Variants in NOTCH4 observed in about 807,000 individuals in gnomAD.
NOTCH4 encodes the protein neurogenic locus notch homolog protein 4.
In NOTCH4, 138 loss-of-function variants were observed where a neutral mutation model predicts 189.0. That is an observed-to-expected ratio of 0.73 (90% CI 0.64 to 0.84). The LOEUF (loss-of-function observed/expected upper bound fraction) is 0.84. Ranked by LOEUF, NOTCH4 falls within the 40% of genes least tolerant of loss-of-function variation. The pLI, the probability that NOTCH4 is intolerant of heterozygous loss-of-function variation, is 0.00. For synonymous variants in NOTCH4, 942 were observed against 1,032.8 expected, an observed-to-expected ratio of 0.91 and a Z score of 1.69; for missense variants, 2,286 against 2,605.4, an observed-to-expected ratio of 0.88 and a Z score of 2.67.
At chr6:32,206,433 A>G (rs1788682173) in intron 18 of NOTCH4, among the ~76,000 whole-genome samples, 1 of 152,140 alleles carries the variant, frequency 6.6e-6, no homozygotes, top group Non-Finnish European at 1.5e-5. Flanking sequence ...AGAAATCAAG[A>G]AAGCAATCCC....
Position 32,198,875 on chromosome 6 carries a change from C to T in NOTCH4, c.4535+51G>A, listed in dbSNP as rs58640723. On this transcript the variant is annotated intron_variant, in intron 24 of 29. Coordinates refer to ENST00000375023, the MANE Select transcript of NOTCH4 (RefSeq NM_004557.4). The surrounding 1 kb of genome is among the most constrained non-coding windows in gnomAD (Gnocchi z 5.5). ...TCTTATCTTTTCTGATTGTAAATAT[C>T]GCCATAGGAGAGACTCCCCTTCCTG... 348 of 1,479,082 alleles carry T rather than the reference C, an allele frequency of 2.4e-4. No individual in the cohort carries two copies. The highest frequency in any genetic ancestry group is 1.8e-3 in the Middle Eastern group (10 of 5,558). 91.6% of individuals were successfully genotyped at this position (1,479,082 alleles called of 1,614,324 possible). A position where few individuals can be genotyped will look rare whatever the true frequency, so the allele number is the denominator to read the frequency against.
chr6:32,219,776 G>A lies in NOTCH4; in HGVS notation c.1326C>T (p.Gly442=). ...AACCGCCATGTTCACAGGGACTTGG[G>A]CCTTGCTGGGCTGGGAGGAGAGAAG... ...DLDECLMAQQ[G]PSPCEHGGSC... Residue 442 remains glycine (G), a synonymous_variant, in exon 8 of 30, where the codon GGC becomes GGT. Coordinates refer to ENST00000375023, the MANE Select transcript of NOTCH4 (RefSeq NM_004557.4). 6.2e-7 allele frequency: 1 copy of A among 1,612,296 alleles called. No homozygotes were observed. Among genetic ancestry groups the A allele is most frequent in the Non-Finnish European group, 8.5e-7 (1 of 1,179,610 alleles).
rs757052827 is a variant in NOTCH4, at chr6:32,212,197, T to C, written c.2680+277A>G. Among the ~76,000 whole-genome samples, 2 of 152,180 alleles carry C rather than the reference T, an allele frequency of 1.3e-5. No individual in the cohort carries two copies. The highest frequency in any genetic ancestry group is 2.9e-5 in the Non-Finnish European group (2 of 68,036). ...AGGACAGAGTTGAGTTGCTCCACGT[T>C]GAGTCATGTCCCTCATGGTTGGGTT... On this transcript the variant is annotated intron_variant, in intron 17 of 29. Coordinates refer to ENST00000375023, the MANE Select transcript of NOTCH4 (RefSeq NM_004557.4). The surrounding 1 kb of genome is among the most constrained non-coding windows in gnomAD (Gnocchi z 4.4).
chr6:32,196,195 C>T lies in NOTCH4; in HGVS notation c.5299-45G>A, dbSNP rs1322434023. ...CCGATATCAGGGAAGGCCACGCCCA[C>T]AGGACTGGGCCTTTCTGCCTTCACT... On this transcript the variant is annotated intron_variant, in intron 29 of 29. Coordinates refer to ENST00000375023, the MANE Select transcript of NOTCH4 (RefSeq NM_004557.4). The T allele has an allele frequency of 3.1e-6, 5 of 1,596,860 alleles. No homozygotes were observed. The South Asian group carries it at 5.5e-5, about 18-fold the overall frequency.
intron 11 of NOTCH4, 68 bp downstream of exon 11, chr6:32,216,877 T>G: frequency 1.9e-6 from 3 of 1,571,188 alleles, no homozygotes; most frequent in Non-Finnish European, 2.6e-6. Context: ...CACCCACCAA[T>G]GAACTCTGCC....
intron 15 of NOTCH4, 100 bp from the exon 16 acceptor site, chr6:32,213,011 G>T: frequency 7.6e-7 from 1 of 1,307,722 alleles, no homozygotes; most frequent in Non-Finnish European, 1.1e-6. Flanking sequence ...GAGGTGGCAA[G>T]CCAGGAGGGA....
Position 32,197,371 on chromosome 6 carries a change from G to T in NOTCH4, c.4980C>A (p.Pro1660=), listed in dbSNP as rs2127461012. Residue 1660 remains proline, a synonymous_variant, in exon 27 of 30, where the codon CCC becomes CCA. Transcript: ENST00000375023. ...ARRLLEAGAN[P]NQPDRAGRTP... ...TGCGCCCTGCCCGGTCTGGCTGGTT[G>T]GGGTTGGCTCCAGCCTCAAGGAGGC... 1 of 1,536,446 alleles carries T rather than the reference G, an allele frequency of 6.5e-7. No homozygotes were observed. Among genetic ancestry groups the T allele is most frequent in the South Asian group, 1.3e-5 (1 of 78,722 alleles).
At chr6:32,218,506 G>A (rs1440483887) in intron 8 of NOTCH4, among the ~76,000 whole-genome samples, 1 of 152,178 alleles carries the variant, frequency 6.6e-6, no homozygotes, top group Non-Finnish European at 1.5e-5. Flanking sequence ...ATGCTAGGGA[G>A]AACAGAGATC....
chr6:32,217,253 G>A lies in NOTCH4; in HGVS notation c.1638C>T (p.Thr546=), dbSNP rs750335826. 6.2e-7 allele frequency: 1 copy of A among 1,612,474 alleles called. No individual in the cohort carries two copies. The highest frequency in any genetic ancestry group is 8.5e-7 in the Non-Finnish European group (1 of 1,179,584). ...QCICLPGFSG[T]RCEEDIDECR... ...ACTCATCGATATCCTCCTCACATCGGGTGCCGGAGAATCCTGGTGGGGCGG... is the reference window on the plus strand; with the variant it reads ...ACTCATCGATATCCTCCTCACATCGAGTGCCGGAGAATCCTGGTGGGGCGG... The change falls in exon 10 of 30, where the codon ACC becomes ACT. Residue 546 remains threonine, a synonymous_variant. Coordinates refer to ENST00000375023, the MANE Select transcript of NOTCH4 (RefSeq NM_004557.4). The surrounding 1 kb of genome is among the most constrained non-coding windows in gnomAD (Gnocchi z 4.2).
chr6:32,195,953 C>A lies in NOTCH4; in HGVS notation c.5496G>T (p.Thr1832=). 6.3e-7 allele frequency: 1 copy of A among 1,593,974 alleles called. No homozygotes were observed. The highest frequency in any genetic ancestry group is 8.5e-7 in the Non-Finnish European group (1 of 1,177,124). ...AGPPEARHKA[T]PGREAGPFPR... is the part of the protein sequence containing the mutation. ...GGAAGGGCCCAGCCTCGCGGCCCGG[C>A]GTGGCTTTGTGACGGGCCTCTGGTG... is the stretch of plus-strand genomic sequence containing the variant. The change falls in exon 30 of 30, where the codon ACG becomes ACT. Residue 1832 remains threonine (T), a synonymous_variant. Coordinates refer to ENST00000375023, the MANE Select transcript of NOTCH4 (RefSeq NM_004557.4). This position sits in a 1 kb window ranked among gnomAD's most constrained non-coding sequence, Gnocchi z 5.4.
chr6:32,220,292 G>T lies in NOTCH4; in HGVS notation c.1160-8C>A. 1 of 1,611,028 alleles carries T rather than the reference G, an allele frequency of 6.2e-7. No homozygotes were observed. The highest frequency in any genetic ancestry group is 2.2e-5 in the East Asian group (1 of 44,814). On this transcript the variant is annotated splice_polypyrimidine_tract_variant and splice_region_variant and intron_variant, in intron 6 of 29. Transcript: ENST00000375023. ...CCAAGTGGCACAGGAGTCCTGGAGG[G>T]GTAAGAGGGGGTGAGGCTCTCAAAG...
intron 13 of NOTCH4, 58 bp from the exon 14 acceptor site, chr6:32,213,898 C>G: frequency 6.3e-7 from 1 of 1,581,486 alleles, no homozygotes; most frequent in Non-Finnish European, 8.6e-7. Flanking sequence ...CTCCGCTCTC[C>G]TTCTCTTTCC....
Position 32,222,530 on chromosome 6 carries a change from G to T in NOTCH4, c.432C>A (p.Ser144=), listed in dbSNP as rs760362647. 30 of 1,547,290 alleles carry T rather than the reference G, an allele frequency of 1.9e-5. No homozygotes were observed. Among genetic ancestry groups the T allele is most frequent in the African/African-American group, 2.8e-5 (2 of 72,114 alleles). The change falls in exon 3 of 30, where the codon TCC becomes TCA. Residue 144 remains serine, a synonymous_variant. Transcript: ENST00000375023. ...HIQASGRPQC[S]CMPGWTGEQC... Reference sequence around the variant, plus strand: ...GCTTACCTGTCCATCCAGGCATGCAGGAGCACTGTGGGCGGCCCGAGGCCT... The same window carrying T: ...GCTTACCTGTCCATCCAGGCATGCATGAGCACTGTGGGCGGCCCGAGGCCT...
At chr6:32,196,868 C>T (rs1787972181) in intron 28 of NOTCH4, 57 bp downstream of exon 28, 1 of 1,597,674 alleles carries the variant, frequency 6.3e-7, no homozygotes, top group East Asian at 2.2e-5. Flanking sequence ...TGCACGCTAT[C>T]TCCCACCCCA....
At position 32,212,878 on chromosome 6, in the gene NOTCH4, G is replaced by T. The variant is rs772156724; in HGVS notation, c.2472C>A (p.Ser824Arg). Residue 824 changes from serine (S) to arginine (R), a missense_variant, in exon 16 of 30, where the codon AGC becomes AGA. Physicochemically the swap from Ser to Arg is moderately radical, Grantham distance 110. Coordinates refer to ENST00000375023, the MANE Select transcript of NOTCH4 (RefSeq NM_004557.4). The surrounding 1 kb of genome is among the most constrained non-coding windows in gnomAD (Gnocchi z 4.4). Reference protein sequence around the residue: ...PCRNRATCQDSPQGPRCLCPT... With the variant: ...PCRNRATCQDRPQGPRCLCPT... The stretch of plus-strand genomic sequence containing the variant: ...GGCAGAGGCAGCGGGGACCCTGAGG[G>T]CTGTCCTGGCAGGTTGCCCTATTCC... 1 of 1,555,854 alleles carries T rather than the reference G, an allele frequency of 6.4e-7. No homozygotes were observed. Among genetic ancestry groups the T allele is most frequent in the South Asian group, 1.2e-5 (1 of 84,638 alleles).
intron 12 of NOTCH4, 44 bp from the exon 13 acceptor site, chr6:32,214,299 G>A (rs1484439372): frequency 1.2e-6 from 2 of 1,602,778 alleles, no homozygotes; most frequent in Non-Finnish European, 1.7e-6. Flanking sequence ...TTCTCCTACT[G>A]CTTATGTTCC....
In NOTCH4 at chr6:32,220,809, G is replaced by GT; in HGVS notation, c.868dup (p.Thr290AsnfsTer28). 1 of 1,614,168 alleles carries GT rather than the reference G, an allele frequency of 6.2e-7. No individual in the cohort carries two copies. Among genetic ancestry groups the GT allele is most frequent in the Non-Finnish European group, 8.5e-7 (1 of 1,180,002 alleles). On this transcript the variant is annotated frameshift_variant, in exon 5 of 30. Transcript: ENST00000375023. LOFTEE classifies it high-confidence loss of function. ...GTAGGTGTCCAGCCCATCCTGGCAA[G>GT]TGCCCCCATTCTGACACTGGTGGCT...
rs1217758483 is a variant in NOTCH4 at position 32,220,869 on chromosome 6, C to T, written c.809G>A (p.Gly270Asp). The change falls in exon 5 of 30, where the codon GGC becomes GAC. Residue 270 changes from glycine to aspartate, a missense_variant. This residue lies in a region of NOTCH4 where 1,903 missense variants were observed against 2,261.9 expected (regional missense o/e 0.84). Coordinates refer to ENST00000375023, the MANE Select transcript of NOTCH4 (RefSeq NM_004557.4). Reference sequence around the variant, plus strand: ...GTCTGGATTCACCTCACAGTCTGGGCCTATGAAACCTGACAGGGTCATGGA... The same window carrying T: ...GTCTGGATTCACCTCACAGTCTGGGTCTATGAAACCTGACAGGGTCATGGA... ...HLCLCPPGFI[G>D]PDCEVNPDNC... 1 of 1,613,390 alleles carries T rather than the reference C, an allele frequency of 6.2e-7. No homozygotes were observed. The highest frequency in any genetic ancestry group is 8.5e-7 in the Non-Finnish European group (1 of 1,179,580).
Position 32,212,375 on chromosome 6 carries a change from G to T in NOTCH4, c.2680+99C>A. 3 of 1,225,182 alleles carry T rather than the reference G, an allele frequency of 2.4e-6. No individual in the cohort carries two copies. Among genetic ancestry groups the T allele is most frequent in the Non-Finnish European group, 3.4e-6 (3 of 873,218 alleles). 75.9% of individuals were successfully genotyped at this position (1,225,182 alleles called of 1,614,324 possible). On this transcript the variant is annotated intron_variant, in intron 17 of 29. Coordinates refer to ENST00000375023, the MANE Select transcript of NOTCH4 (RefSeq NM_004557.4). The surrounding 1 kb of genome is among the most constrained non-coding windows in gnomAD (Gnocchi z 4.4). ...GTGTGGTTTTGATTCTCAGATGGTT[G>T]TTTTGGCCAAAAGCTGTGTGGAAGC... is the stretch of plus-strand genomic sequence containing the variant.
Sources: gnomAD v4.1 joint callset for allele counts (sites outside exome capture counted in the v4.1 genomes callset) on GRCh38, gnomAD v4.1.1 for gene constraint, gnomAD v4.1.1 regional missense constraint, Gnocchi (gnomAD v3.1) non-coding constraint, MANE v1.5 for transcripts, NCBI Gene and HGNC (gene_info 2026-07-23, HGNC 2026-07-21) for gene names.